The following SCHIP1 variants were observed in gnomAD, a reference collection of about 807,000 sequenced individuals.
SCHIP1 encodes the protein schwannomin interacting protein 1.
In SCHIP1, 8 loss-of-function variants were observed where a neutral mutation model predicts 29.7. That is an observed-to-expected ratio of 0.27 (90% CI 0.16 to 0.49). The LOEUF is 0.49. Among genes scored for constraint, SCHIP1 ranks in the 20% least tolerant of loss-of-function variants. The pLI is 0.99. For synonymous variants in SCHIP1, 76 were observed against 94.9 expected, an observed-to-expected ratio of 0.80 and a Z score of 1.16; for missense variants, 193 against 294.6, an observed-to-expected ratio of 0.66 and a Z score of 2.52.
chr3:159,319,430 G>T, the SCHIP1 span, among the ~76,000 whole-genome samples: 1 of 152,134 alleles, frequency 6.6e-6, no homozygotes, highest in South Asian at 2.1e-4. Flanking sequence ...ATGACTATTT[G>T]GACTCAAAAA....
At chr3:159,498,574 AT>A in the SCHIP1 span, among the ~76,000 whole-genome samples, 1 of 152,158 alleles carries the variant, frequency 6.6e-6, no homozygotes, top group Non-Finnish European at 1.5e-5. Flanking sequence ...AAGTTTAGGA[AT>A]GTCCATTCTT....
At chr3:159,440,685 T>C in the SCHIP1 span, among the ~76,000 whole-genome samples, 1 of 152,172 alleles carries the variant, frequency 6.6e-6, no homozygotes, top group Non-Finnish European at 1.5e-5. Flanking sequence ...CAGTAGGCTA[T>C]GGCCATACTT....
At chr3:159,646,771 C>T in the SCHIP1 span, among the ~76,000 whole-genome samples, 74 of 152,228 alleles carry the variant, frequency 4.9e-4, no homozygotes, top group African/African-American at 1.8e-3. Context: ...AAATCTATAA[C>T]TCTCCAGGCA....
the SCHIP1 span, among the ~76,000 whole-genome samples, chr3:159,517,314 T>G: frequency 6.6e-6 from 1 of 152,234 alleles, no homozygotes; most frequent in Non-Finnish European, 1.5e-5. Flanking sequence ...GTTGGCAGTT[T>G]TTTCTTTCAA....
intron 6 of SCHIP1, 160 bp downstream of exon 7, chr3:159,892,350 A>T (rs1717621563): frequency 2.6e-6 from 2 of 772,720 alleles, no homozygotes; most frequent in Non-Finnish European, 4.2e-6. Context: ...GGGAAGCAGA[A>T]TTCCATTGTC....
chr3:159,471,015 A>T, the SCHIP1 span, among the ~76,000 whole-genome samples: 1 of 152,150 alleles, frequency 6.6e-6, no homozygotes, highest in Non-Finnish European at 1.5e-5. Context: ...ACAAAAGAGC[A>T]TAAGAGAATA....
At chr3:159,565,785 C>A in the SCHIP1 span, among the ~76,000 whole-genome samples, 1 of 152,070 alleles carries the variant, frequency 6.6e-6, no homozygotes, top group East Asian at 1.9e-4. Context: ...AATAGAAAGT[C>A]CTTTTAGATA....
chr3:159,652,465 C>T, the SCHIP1 span, among the ~76,000 whole-genome samples: 1 of 152,270 alleles, frequency 6.6e-6, no homozygotes, highest in Non-Finnish European at 1.5e-5. Flanking sequence ...CAGACCTGCC[C>T]TGTGTTTTCC....
At chr3:159,562,071 T>C in the SCHIP1 span, among the ~76,000 whole-genome samples, 2 of 152,198 alleles carry the variant, frequency 1.3e-5, no homozygotes, top group Non-Finnish European at 2.9e-5. Context: ...GAGTTCAGAA[T>C]GTTACCTTTA....
upstream of SCHIP1, among the ~76,000 whole-genome samples, chr3:159,839,685 T>A (rs189287991): frequency 8.4e-6 from 1 of 118,860 alleles, no homozygotes; most frequent in Admixed American, 1.2e-4. Flanking sequence ...GCAGCCTTAG[T>A]GGGTAGGAAG....
chr3:159,439,650 T>C, the SCHIP1 span, among the ~76,000 whole-genome samples: 10 of 152,216 alleles, frequency 6.6e-5, no homozygotes, highest in Admixed American at 6.5e-4. Flanking sequence ...TCGAACTTTT[T>C]ATCATATATT....
the SCHIP1 span, among the ~76,000 whole-genome samples, chr3:159,425,736 T>C: frequency 6.6e-6 from 1 of 152,214 alleles, no homozygotes; most frequent in Admixed American, 6.5e-5. Context: ...CAATAGAATA[T>C]ACATTTTGTT....
At chr3:159,355,310 C>T in the SCHIP1 span, among the ~76,000 whole-genome samples, 2 of 152,132 alleles carry the variant, frequency 1.3e-5, no homozygotes, top group Non-Finnish European at 2.9e-5. Context: ...ACAATGTACT[C>T]CCTGAAAGTC....
chr3:159,315,963 G>A, the SCHIP1 span, among the ~76,000 whole-genome samples: 2 of 151,984 alleles, frequency 1.3e-5, no homozygotes, highest in African/African-American at 4.8e-5. Context: ...GTGAGGAAAT[G>A]GAGTTAGAAG....
the SCHIP1 span, among the ~76,000 whole-genome samples, chr3:159,792,928 C>T: frequency 6.6e-6 from 1 of 152,104 alleles, no homozygotes; most frequent in Non-Finnish European, 1.5e-5. Flanking sequence ...TTGTTCATAG[C>T]CTTAAGCAAC....
the SCHIP1 span, among the ~76,000 whole-genome samples, chr3:159,755,937 C>T: frequency 6.6e-6 from 1 of 152,278 alleles, no homozygotes; most frequent in Non-Finnish European, 1.5e-5. Flanking sequence ...GAGGTGGGTT[C>T]CCATGGTCCT....
the SCHIP1 span, among the ~76,000 whole-genome samples, chr3:159,444,683 A>G: frequency 6.6e-6 from 1 of 152,176 alleles, no homozygotes; most frequent in African/African-American, 2.4e-5. Flanking sequence ...GTGATGAGAG[A>G]TGTAGCAAAT....
the SCHIP1 span, among the ~76,000 whole-genome samples, chr3:159,820,917 C>G: frequency 2.0e-5 from 3 of 152,328 alleles, no homozygotes; most frequent in East Asian, 5.8e-4. Flanking sequence ...GAAATGTTCT[C>G]TATCGTCACT....
chr3:159,569,267 A>G, the SCHIP1 span, among the ~76,000 whole-genome samples: 3 of 152,052 alleles, frequency 2.0e-5, no homozygotes, highest in African/African-American at 7.2e-5. Flanking sequence ...TGCTGCACCC[A>G]TCAATTCATC....
Sources: allele counts gnomAD v4.1 joint callset (sites outside exome capture counted in the v4.1 genomes callset), GRCh38; gene constraint gnomAD v4.1.1; transcripts MANE v1.5; gene names NCBI Gene and HGNC (gene_info 2026-07-23, HGNC 2026-07-21).